ELAVL1: variants seen among roughly 807,000 people sequenced by gnomAD.
ELAVL1 encodes ELAV-like protein 1.
A neutral mutation model predicts 28.4 loss-of-function variants in ELAVL1; 1 was observed. The ratio of observed to expected loss-of-function variants is 0.04; its 90% CI spans 0.01 to 0.17. The LOEUF is 0.17. Among genes scored for constraint, ELAVL1 ranks in the 10% least tolerant of loss-of-function variants. The probability of loss-of-function intolerance (pLI) is 1.00; values close to 1 mark genes in which losing one functional copy is unlikely to be tolerated. For synonymous variants in ELAVL1, 174 were observed against 183.5 expected (o/e 0.95, Z 0.42); for missense variants, 157 against 447.2 (o/e 0.35, Z 5.85).
chr19:7,980,803 T>C (rs994059453), intron 3 of ELAVL1, among the ~76,000 whole-genome samples: 1 of 152,002 alleles, frequency 6.6e-6, no homozygotes, highest in African/African-American at 2.4e-5. Flanking sequence ...TGGGGGTGGA[T>C]GGAGCTGTCC....
chr19:7,991,912 C>G, intron 1 of ELAVL1, 81 bp from the exon 2 acceptor site: 2 of 966,374 alleles, frequency 2.1e-6, no homozygotes, highest in Non-Finnish European at 2.9e-6. Flanking sequence ...TGCATTTGCA[C>G]TTAGAGATTT....
At chr19:7,980,789 A>C (rs1344440239) in intron 3 of ELAVL1, among the ~76,000 whole-genome samples, 2 of 152,144 alleles carry the variant, frequency 1.3e-5, no homozygotes, top group Non-Finnish European at 2.9e-5. Flanking sequence ...AGCACTGGGC[A>C]GGCTGGGGGT....
intron 1 of ELAVL1, among the ~76,000 whole-genome samples, chr19:7,996,060 G>C (rs1459347908): frequency 1.3e-5 from 2 of 151,730 alleles, no homozygotes; most frequent in Non-Finnish European, 2.9e-5. Flanking sequence ...ATTTTTTGTC[G>C]AGATAGGGTC....
rs758799797 is a variant in ELAVL1, at chr19:7,992,965, T to C, written c.-16-1134A>G. ...TGATTTTTAAAACTTTTTGTAGAGA[T>C]GGTATCTTGCCCAGGTTAATTTTGA... On this transcript the variant is annotated intron_variant, in intron 1 of 5. Transcript: ENST00000407627. 3.4e-4 allele frequency among the ~76,000 whole-genome samples: 52 copies of C among 152,274 alleles called. 2 individuals carry two copies. The highest frequency in any genetic ancestry group is 1.3e-4 in the Admixed American group (2 of 15,308).
intron 3 of ELAVL1, among the ~76,000 whole-genome samples, chr19:7,977,093 G>A (rs10402424): frequency 0.023 from 3,507 of 152,260 alleles, 134 homozygotes; most frequent in African/African-American, 0.077. Context: ...TCAGGTGAAC[G>A]GCAGGCATCT....
intron 2 of ELAVL1, among the ~76,000 whole-genome samples, chr19:7,987,467 G>A (rs1340570520): frequency 1.3e-5 from 2 of 152,162 alleles, no homozygotes; most frequent in East Asian, 1.9e-4. Context: ...TTTGTGGGTG[G>A]AACAGCCAAC....
At chr19:7,974,966 C>T (rs563404107) in intron 3 of ELAVL1, among the ~76,000 whole-genome samples, 16 of 152,246 alleles carry the variant, frequency 1.1e-4, no homozygotes, top group South Asian at 2.1e-4. Flanking sequence ...GACAGCCCCA[C>T]GAGGAGAGGA....
chr19:7,978,244 T>C (rs1985355741), intron 3 of ELAVL1, among the ~76,000 whole-genome samples: 1 of 152,242 alleles, frequency 6.6e-6, no homozygotes, highest in Admixed American at 6.5e-5. Flanking sequence ...TCTGTCTTTG[T>C]TACCATAAGG....
intron 4 of ELAVL1, among the ~76,000 whole-genome samples, chr19:7,970,799 C>G (rs957521167): frequency 2.1e-5 from 3 of 143,708 alleles, no homozygotes; most frequent in Non-Finnish European, 3.1e-5. Flanking sequence ...TGGGCTCAAG[C>G]AATCCTCCCA....
chr19:7,965,052 A>G (rs892201730), intron 5 of ELAVL1, among the ~76,000 whole-genome samples: 1 of 152,230 alleles, frequency 6.6e-6, no homozygotes, highest in East Asian at 1.9e-4. Flanking sequence ...CAGACACGAG[A>G]GGACACCAGC....
At position 7,990,270 on chromosome 19, in the gene ELAVL1, C is replaced by T. The variant is rs111615706; in HGVS notation, c.172+1374G>A. ...CTCCTGACCTCAGGTGATCTGCCTG[C>T]CTTGACCTCCCAAAGTGCTGGGATT... is the stretch of plus-strand genomic sequence containing the variant. On this transcript the variant is annotated intron_variant, in intron 2 of 5. Coordinates refer to ENST00000407627, the MANE Select transcript of ELAVL1 (RefSeq NM_001419.3). 1.6e-3 allele frequency among the ~76,000 whole-genome samples: 236 copies of T among 151,992 alleles called. 2 individuals are homozygous for T. In the South Asian group the frequency reaches 0.017, roughly 11 times the overall value.
chr19:7,977,368 G>C (rs910931760), intron 3 of ELAVL1, among the ~76,000 whole-genome samples: 1 of 152,230 alleles, frequency 6.6e-6, no homozygotes, highest in Middle Eastern at 3.4e-3. Context: ...TTCACTACTC[G>C]AAACATCAGC....
chr19:7,998,667 A>C (rs1255005219), intron 1 of ELAVL1, among the ~76,000 whole-genome samples: 1 of 152,026 alleles, frequency 6.6e-6, no homozygotes, highest in African/African-American at 2.4e-5. Flanking sequence ...TTTTTTAAAG[A>C]GATGGGGGTC....
At chr19:7,972,493 G>T (rs1373483698) in intron 4 of ELAVL1, among the ~76,000 whole-genome samples, 1 of 152,268 alleles carries the variant, frequency 6.6e-6, no homozygotes, top group Non-Finnish European at 1.5e-5. Flanking sequence ...TCGCTGCCAT[G>T]TGCTCTGTGC....
chr19:7,995,352 T>C lies in ELAVL1; in HGVS notation c.-16-3521A>G, dbSNP rs935735209. ...GCCCTTTCTCTAAGAGTTAGGCATC[T>C]ACTTTGCTTTTTCCCTCATTCTGCT... is the stretch of plus-strand genomic sequence containing the variant. On this transcript the variant is annotated intron_variant, in intron 1 of 5. Coordinates refer to ENST00000407627, the MANE Select transcript of ELAVL1 (RefSeq NM_001419.3). Among the ~76,000 whole-genome samples the C allele has an allele frequency of 3.9e-5, 6 of 152,218 alleles. 1 individual carries two copies.
intron 2 of ELAVL1, among the ~76,000 whole-genome samples, chr19:7,986,452 G>A (rs1985604054): frequency 6.6e-6 from 1 of 152,198 alleles, no homozygotes; most frequent in African/African-American, 2.4e-5. Flanking sequence ...CTCGAAATAG[G>A]AATCACCCTG....
At chr19:7,978,207 G>A (rs1039460709) in intron 3 of ELAVL1, among the ~76,000 whole-genome samples, 2 of 152,246 alleles carry the variant, frequency 1.3e-5, no homozygotes, top group Non-Finnish European at 2.9e-5. Flanking sequence ...AGATTCCTAG[G>A]AGGAAGCTTG....
Position 7,963,837 on chromosome 19 carries a change from C to T in ELAVL1, c.657-30G>A, listed in dbSNP as rs201022060. ...CAGACAGAGAGCAAGCGTCAGGCCA[C>T]GGTCAGCGCAGGCGGCCTGGGGATG... On this transcript the variant is annotated intron_variant, in intron 5 of 5. Coordinates refer to ENST00000407627, the MANE Select transcript of ELAVL1 (RefSeq NM_001419.3). This position sits in a 1 kb window ranked among gnomAD's most constrained non-coding sequence, Gnocchi z 4.5. 30 of 1,603,380 alleles carry T rather than the reference C, an allele frequency of 1.9e-5. No homozygotes were observed. Among genetic ancestry groups the T allele is most frequent in the East Asian group, 1.1e-4 (5 of 44,586 alleles).
Position 7,991,544 on chromosome 19 carries a change from A to G in ELAVL1, c.172+100T>C. ...CAGCCATCGTTTCAAGGCTGTAGTT[A>G]TCCTGCACTGAGGAATGCCACAGAG... On this transcript the variant is annotated intron_variant, in intron 2 of 5. Transcript: ENST00000407627. 3 of 1,227,058 alleles carry G rather than the reference A, an allele frequency of 2.4e-6. No individual in the cohort carries two copies. In the South Asian group the frequency reaches 4.4e-5, roughly 18 times the overall value. 76.0% of individuals were successfully genotyped at this position (1,227,058 alleles called of 1,614,324 possible).
Sources: allele counts gnomAD v4.1 joint callset (sites outside exome capture counted in the v4.1 genomes callset), GRCh38; gene constraint gnomAD v4.1.1; non-coding constraint Gnocchi (gnomAD v3.1); transcripts MANE v1.5; gene names NCBI Gene and HGNC (gene_info 2026-07-23, HGNC 2026-07-21).